FER1L6: variants seen among roughly 807,000 people sequenced by gnomAD.
FER1L6 encodes the protein fer-1 like family member 6.
A neutral mutation model predicts 219.2 loss-of-function variants in FER1L6; 177 were observed. The ratio of observed to expected loss-of-function variants is 0.81; its 90% confidence interval spans 0.71 to 0.91. The LOEUF (loss-of-function observed/expected upper bound fraction) is 0.91, where lower values mean the gene tolerates loss of function less well. Ranked by LOEUF, FER1L6 falls within the 40% of genes least tolerant of loss-of-function variation. FER1L6 has a pLI of 0.00. For missense variants in FER1L6, 2,153 were observed against 2,259.9 expected (o/e 0.95, Z 0.96); for synonymous variants, 768 against 824.3 (o/e 0.93, Z 1.17).
chr8:123,924,135 T>C (rs149188837), intron 1 of FER1L6, among the ~76,000 whole-genome samples: 5,949 of 144,298 alleles, frequency 0.041, 187 homozygotes, highest in Non-Finnish European at 0.063. Flanking sequence ...CTCCAGAGGC[T>C]GAGGCAGGAG....
At chr8:123,972,974 G>A (rs1022525028) in intron 6 of FER1L6, among the ~76,000 whole-genome samples, 1 of 152,198 alleles carries the variant, frequency 6.6e-6, no homozygotes, top group Non-Finnish European at 1.5e-5. Flanking sequence ...TACCTCCTTT[G>A]TTCTCACCGT....
Position 124,045,910 on chromosome 8 carries a change from C to T in FER1L6, c.2724+9C>T. 1.2e-6 allele frequency: 2 copies of T among 1,613,406 alleles called. No homozygotes were observed. The highest frequency in any genetic ancestry group is 2.2e-5 in the South Asian group (2 of 91,058). ...ATGACAGCGACGCTGTGGTGAGTGT[C>T]CCCCTGGGCCAGTGCTGACCACACC... On this transcript the variant is annotated intron_variant, in intron 21 of 40. Transcript: ENST00000522917.
intron 39 of FER1L6, among the ~76,000 whole-genome samples, chr8:124,116,589 T>A (rs1255877370): frequency 6.6e-6 from 1 of 152,010 alleles, no homozygotes; most frequent in East Asian, 1.9e-4. Flanking sequence ...CAGAGCTGAG[T>A]TTATTAAGAG....
At chr8:124,088,985 C>A (rs924219289) in intron 33 of FER1L6, among the ~76,000 whole-genome samples, 1 of 152,130 alleles carries the variant, frequency 6.6e-6, no homozygotes, top group Admixed American at 6.5e-5. Context: ...CGAGCACTCC[C>A]ATGGCTGCCC....
intron 1 of FER1L6, among the ~76,000 whole-genome samples, chr8:123,932,816 T>A (rs911033719): frequency 2.3e-4 from 35 of 152,236 alleles, no homozygotes; most frequent in Non-Finnish European, 3.4e-4. Context: ...ATGAGGCTAC[T>A]GGTGATGAAA....
chr8:123,869,056 C>G (rs1391255239), intron 1 of FER1L6, among the ~76,000 whole-genome samples: 1 of 151,718 alleles, frequency 6.6e-6, no homozygotes, highest in African/African-American at 2.4e-5. Context: ...CTTAAGGTGA[C>G]TAAGATGAAG....
intron 19 of FER1L6, among the ~76,000 whole-genome samples, chr8:124,038,032 T>C (rs1489408232): frequency 6.6e-6 from 1 of 152,222 alleles, no homozygotes; most frequent in African/African-American, 2.4e-5. Flanking sequence ...CACCAGCTCC[T>C]GTGCACAGAC....
intron 37 of FER1L6, among the ~76,000 whole-genome samples, chr8:124,100,676 A>G (rs935644329): frequency 6.6e-6 from 1 of 152,200 alleles, no homozygotes; most frequent in African/African-American, 2.4e-5. Flanking sequence ...CTGACAGCAC[A>G]GGTCTACAGC....
intron 1 of FER1L6, among the ~76,000 whole-genome samples, chr8:123,865,013 A>G (rs904483059): frequency 5.3e-5 from 8 of 150,916 alleles, no homozygotes; most frequent in African/African-American, 1.7e-4. Context: ...GCTTTGTTCC[A>G]TTGCTGGTGA....
chr8:124,055,567 C>G (rs1820252357), intron 22 of FER1L6, among the ~76,000 whole-genome samples: 1 of 152,080 alleles, frequency 6.6e-6, no homozygotes. Context: ...CACTCGTTTC[C>G]CCTACTTTTA....
rs749701663 is a variant in FER1L6 at position 124,010,841 on chromosome 8, T to C, written c.1821+127T>C. On this transcript the variant is annotated intron_variant, in intron 14 of 40. Transcript: ENST00000522917. ...ACAAATAAATTGAGGATGCTGCATT[T>C]GGAGGGCACGTGGATCCTACTATGC... 132 of 1,312,144 alleles carry C rather than the reference T, an allele frequency of 1.0e-4. 1 individual carries two copies. Among genetic ancestry groups the C allele is most frequent in the Middle Eastern group, 5.6e-4 (2 of 3,590 alleles). 81.3% of individuals were successfully genotyped at this position (1,312,144 alleles called of 1,614,324 possible). A position where few individuals can be genotyped will look rare whatever the true frequency, so the allele number is the denominator to read the frequency against.
chr8:123,956,125 G>C lies in FER1L6; in HGVS notation c.76+51G>C, dbSNP rs757711975. ...CATTGGGGCCTGAGAGTCTCGCAGA[G>C]TGACCCCTCCGTGGCTGAAAATGCA... On this transcript the variant is annotated intron_variant, in intron 2 of 40. Coordinates refer to ENST00000522917, the MANE Select transcript of FER1L6 (RefSeq NM_001039112.2). 16 of 1,510,910 alleles carry C rather than the reference G, an allele frequency of 1.1e-5. 1 individual carries two copies. In the South Asian group the frequency reaches 1.7e-4, roughly 16 times the overall value. The allele number at this position is 1,510,910 out of a possible 1,614,324, so 93.6% of individuals were successfully genotyped here.
At chr8:124,088,329 C>T (rs1312231144) in intron 33 of FER1L6, among the ~76,000 whole-genome samples, 1 of 152,116 alleles carries the variant, frequency 6.6e-6, no homozygotes. Flanking sequence ...ATGGTGAGTA[C>T]TGCCTGGCTA....
At position 124,035,450 on chromosome 8, in the gene FER1L6, C is replaced by A; in HGVS notation, c.2460C>A (p.Tyr820Ter). ...GTNHPPSNLLYQEQHVFQLRA... is the reference protein window; with the variant it reads ...GTNHPPSNLL Reference sequence around the variant, plus strand: ...ATCACCCCCCATCTAACCTGCTCTACCAAGGTAGGGTCCCCACTGGGCAAA... The same window carrying A: ...ATCACCCCCCATCTAACCTGCTCTAACAAGGTAGGGTCCCCACTGGGCAAA... Residue 820 changes from tyrosine (Y) to a stop codon, truncating the protein, a stop_gained, in exon 19 of 41, where the codon TAC becomes TAA. Coordinates refer to ENST00000522917, the MANE Select transcript of FER1L6 (RefSeq NM_001039112.2). LOFTEE classifies it high-confidence loss of function. 1 of 1,612,144 alleles carries A rather than the reference C, an allele frequency of 6.2e-7. No individual in the cohort carries two copies. The highest frequency in any genetic ancestry group is 2.2e-5 in the East Asian group (1 of 44,842).
At chr8:124,067,082 C>T (rs532168501) in intron 27 of FER1L6, among the ~76,000 whole-genome samples, 1 of 152,156 alleles carries the variant, frequency 6.6e-6, no homozygotes, top group African/African-American at 2.4e-5. Context: ...GCTGGAGAGA[C>T]AGTGGGGAGT....
chr8:124,104,394 C>A (rs547933802), intron 39 of FER1L6, among the ~76,000 whole-genome samples: 1 of 152,196 alleles, frequency 6.6e-6, no homozygotes, highest in Admixed American at 6.5e-5. Context: ...TCCAATCATG[C>A]GTGGAATAAC....
At chr8:124,003,111 A>G (rs1817490798) in intron 12 of FER1L6, 56 bp from the exon 13 acceptor site, 1 of 1,480,790 alleles carries the variant, frequency 6.8e-7, no homozygotes, top group Non-Finnish European at 9.3e-7. Context: ...TATGCCAAGC[A>G]GACTGATTCT....
chr8:123,962,718 G>T (rs113844603), intron 2 of FER1L6, among the ~76,000 whole-genome samples: 1 of 152,092 alleles, frequency 6.6e-6, no homozygotes, highest in Non-Finnish European at 1.5e-5. Flanking sequence ...CATCTGTCCC[G>T]CTGGGTTCAA....
At chr8:123,884,577 A>G (rs561300625) in intron 1 of FER1L6, among the ~76,000 whole-genome samples, 7 of 152,278 alleles carry the variant, frequency 4.6e-5, no homozygotes, top group African/African-American at 1.7e-4. Context: ...GGGCCAGAGG[A>G]TCCTAGGTGC....
Sources: gnomAD v4.1 joint callset for allele counts (sites outside exome capture counted in the v4.1 genomes callset) on GRCh38, gnomAD v4.1.1 for gene constraint, MANE v1.5 for transcripts, NCBI Gene and HGNC (gene_info 2026-07-23, HGNC 2026-07-21) for gene names.